PLXDC2: variants seen among roughly 807,000 people sequenced by gnomAD.
The protein encoded by PLXDC2 is plexin domain containing 2.
Under a neutral mutation model 68.9 loss-of-function variants are expected in PLXDC2, and 40 were observed. That is an observed-to-expected ratio of 0.58 (90% CI 0.45 to 0.76). The LOEUF (loss-of-function observed/expected upper bound fraction) is 0.76. PLXDC2 is among the 30% of genes least tolerant of loss of function. The pLI is 0.00. For synonymous variants in PLXDC2, 243 were observed against 234.2 expected, an observed-to-expected ratio of 1.04 and a Z score of -0.34; for missense variants, 644 against 661.9, an observed-to-expected ratio of 0.97 and a Z score of 0.30.
chr10:20,075,456 C>T (rs980127127), intron 4 of PLXDC2, among the ~76,000 whole-genome samples: 1 of 152,146 alleles, frequency 6.6e-6, no homozygotes, highest in Non-Finnish European at 1.5e-5. Flanking sequence ...TCCAAAAGTG[C>T]TGGGATTACA....
rs181233245 is a variant in PLXDC2 at position 19,897,880 on chromosome 10, A to G, written c.112+80689A>G. On this transcript the variant is annotated intron_variant, in intron 1 of 13. Transcript: ENST00000377252. ...TCATTATTAGTAATATAATTAAAAA[A>G]TTTTTAAGTAGAAGGACTAGCTGCA... Among the ~76,000 whole-genome samples, 502 of 152,266 alleles carry G rather than the reference A, an allele frequency of 3.3e-3. 4 individuals carry two copies. Among genetic ancestry groups the G allele is most frequent in the Non-Finnish European group, 5.5e-3 (375 of 68,022 alleles).
intron 9 of PLXDC2, among the ~76,000 whole-genome samples, chr10:20,195,668 G>A (rs1164527842): frequency 6.6e-6 from 1 of 152,060 alleles, no homozygotes; most frequent in Non-Finnish European, 1.5e-5. Flanking sequence ...TTTATTTGTA[G>A]TAAACTAATA....
At chr10:20,195,019 AT>A (rs1212704088) in intron 9 of PLXDC2, among the ~76,000 whole-genome samples, 3 of 152,088 alleles carry the variant, frequency 2.0e-5, no homozygotes, top group Non-Finnish European at 2.9e-5. Context: ...GTATTACATT[AT>A]AAAAGATAAT....
chr10:19,836,325 T>C (rs988598689), intron 1 of PLXDC2, among the ~76,000 whole-genome samples: 6 of 152,070 alleles, frequency 3.9e-5, no homozygotes, highest in Non-Finnish European at 8.8e-5. Context: ...AGTAGGTGCA[T>C]AAGTGAGTTG....
chr10:20,162,473 A>G (rs1263710890), intron 6 of PLXDC2, among the ~76,000 whole-genome samples: 2 of 152,186 alleles, frequency 1.3e-5, no homozygotes, highest in Non-Finnish European at 2.9e-5. Context: ...CAAGTGACAA[A>G]TGACAGGAAC....
At chr10:20,074,162 T>C (rs1836392955) in intron 4 of PLXDC2, among the ~76,000 whole-genome samples, 1 of 152,172 alleles carries the variant, frequency 6.6e-6, no homozygotes, top group South Asian at 2.1e-4. Flanking sequence ...AAGCTAATAA[T>C]GAATGTGTAT....
At chr10:20,142,589 A>G (rs1323162029) in intron 4 of PLXDC2, among the ~76,000 whole-genome samples, 7 of 152,064 alleles carry the variant, frequency 4.6e-5, no homozygotes, top group Admixed American at 3.3e-4. Flanking sequence ...GTTCTCCATA[A>G]TAAATTCCCT....
chr10:20,165,982 T>C (rs1242619461), intron 7 of PLXDC2, among the ~76,000 whole-genome samples: 4 of 152,164 alleles, frequency 2.6e-5, no homozygotes, highest in African/African-American at 9.7e-5. Context: ...GTGTTCTTAT[T>C]TAAAGAAAGG....
chr10:20,083,856 A>G (rs538881741), intron 4 of PLXDC2, among the ~76,000 whole-genome samples: 1 of 152,344 alleles, frequency 6.6e-6, no homozygotes, highest in Non-Finnish European at 1.5e-5. Flanking sequence ...ATAAAACTGA[A>G]TTAATATCAA....
chr10:19,923,297 A>G (rs1833490124), intron 1 of PLXDC2, among the ~76,000 whole-genome samples: 1 of 152,236 alleles, frequency 6.6e-6, no homozygotes, highest in Admixed American at 6.5e-5. Context: ...GAAAAACAAA[A>G]CAAAAACAAA....
At chr10:20,151,499 G>C (rs545965339) in intron 6 of PLXDC2, among the ~76,000 whole-genome samples, 1 of 152,272 alleles carries the variant, frequency 6.6e-6, no homozygotes, top group East Asian at 1.9e-4. Flanking sequence ...TGACATACTT[G>C]AGGTCACAGA....
At chr10:19,950,831 C>A (rs1833979879) in intron 1 of PLXDC2, among the ~76,000 whole-genome samples, 1 of 152,156 alleles carries the variant, frequency 6.6e-6, no homozygotes, top group Non-Finnish European at 1.5e-5. Flanking sequence ...GACTAGAGAA[C>A]TCAGAAATAA....
chr10:19,860,828 T>C (rs895618449), intron 1 of PLXDC2, among the ~76,000 whole-genome samples: 6 of 152,116 alleles, frequency 3.9e-5, no homozygotes, highest in Non-Finnish European at 2.9e-5. Flanking sequence ...GTACATAGTC[T>C]TCAGTACCAG....
At chr10:19,872,809 C>A (rs1837564415) in intron 1 of PLXDC2, among the ~76,000 whole-genome samples, 1 of 152,010 alleles carries the variant, frequency 6.6e-6, no homozygotes. Flanking sequence ...TTCCCTGGGA[C>A]AAGTCAACCC....
intron 13 of PLXDC2, among the ~76,000 whole-genome samples, chr10:20,246,787 G>C (rs995321311): frequency 2.6e-5 from 4 of 152,262 alleles, no homozygotes; most frequent in Non-Finnish European, 5.9e-5. Context: ...TTCATTGTAT[G>C]ACACATGGAA....
chr10:20,097,352 GA>G (rs370310535), intron 4 of PLXDC2, among the ~76,000 whole-genome samples: 6,902 of 152,024 alleles, frequency 0.045, 201 homozygotes, highest in Middle Eastern at 0.12. Context: ...AGGGAAAAAT[GA>G]AAAAAATTTA....
rs530732729 is a variant in PLXDC2, at chr10:20,172,721, T to C, written c.884-4278T>C. On this transcript the variant is annotated intron_variant, in intron 7 of 13. Transcript: ENST00000377252. ...AAGTATACGTGAGAGAAAAATAAAT[T>C]TGAAGGTTGTTTTAGGTCCTATTTT... Among the ~76,000 whole-genome samples, 84 of 152,174 alleles carry C rather than the reference T, an allele frequency of 5.5e-4. No individual in the cohort carries two copies. In the South Asian group the frequency reaches 0.017, roughly 31 times the overall value.
chr10:19,817,284 C>A, intron 1 of PLXDC2, 93 bp downstream of exon 1: 1 of 1,015,426 alleles, frequency 9.8e-7, no homozygotes, highest in South Asian at 1.4e-5. Flanking sequence ...CCCAACATCA[C>A]CTATCTGCCC....
chr10:20,016,644 T>C (rs566298173), intron 2 of PLXDC2, among the ~76,000 whole-genome samples: 37 of 152,326 alleles, frequency 2.4e-4, no homozygotes, highest in African/African-American at 8.4e-4. Flanking sequence ...CTGTCTACTC[T>C]CAGGCACAGG....
Sources: allele counts gnomAD v4.1 joint callset (sites outside exome capture counted in the v4.1 genomes callset), GRCh38; gene constraint gnomAD v4.1.1; transcripts MANE v1.5; gene names NCBI Gene and HGNC (gene_info 2026-07-23, HGNC 2026-07-21).